The following SIPA1L1 variants were observed in gnomAD, a reference collection of about 807,000 sequenced individuals.
The protein encoded by SIPA1L1 is signal-induced proliferation-associated 1-like protein 1.
Under a neutral mutation model 162.7 loss-of-function variants are expected in SIPA1L1, and 26 were observed. The observed-to-expected ratio is 0.16, with a 90% confidence interval of 0.12 to 0.22. The LOEUF is 0.22. Ranked by LOEUF, SIPA1L1 falls within the 10% of genes least tolerant of loss-of-function variation. The pLI is 1.00. For missense variants in SIPA1L1, 1,874 were observed against 2,241.0 expected, an observed-to-expected ratio of 0.84 and a Z score of 3.31; for synonymous variants, 829 against 837.4, an observed-to-expected ratio of 0.99 and a Z score of 0.17.
intron 13 of SIPA1L1, among the ~76,000 whole-genome samples, chr14:71,688,852 G>A (rs1208926316): frequency 6.6e-6 from 1 of 152,176 alleles, no homozygotes; most frequent in Non-Finnish European, 1.5e-5. Flanking sequence ...CTTTACAGTT[G>A]TTCATTCCAT....
intron 2 of SIPA1L1, among the ~76,000 whole-genome samples, chr14:71,447,523 G>A (rs1157058851): frequency 6.7e-6 from 1 of 150,168 alleles, no homozygotes; most frequent in African/African-American, 2.5e-5. Context: ...ACTTTACTAT[G>A]GTTTACTTAA....
chr14:71,664,736 A>G (rs769083548), intron 10 of SIPA1L1, among the ~76,000 whole-genome samples: 12 of 152,202 alleles, frequency 7.9e-5, no homozygotes, highest in Non-Finnish European at 1.5e-5. Context: ...ATGAACACAC[A>G]TATTTATTTA....
intron 2 of SIPA1L1, among the ~76,000 whole-genome samples, chr14:71,334,862 A>G (rs915450830): frequency 1.3e-5 from 2 of 152,186 alleles, no homozygotes; most frequent in Non-Finnish European, 2.9e-5. Flanking sequence ...AGGATCCACC[A>G]TGTTGAAAGC....
chr14:71,358,349 A>G (rs1430834596), intron 2 of SIPA1L1, among the ~76,000 whole-genome samples: 1 of 152,234 alleles, frequency 6.6e-6, no homozygotes, highest in Non-Finnish European at 1.5e-5. Context: ...GGGGATTTAC[A>G]CACAGCTCTC....
At chr14:71,685,760 C>A (rs573020475) in intron 13 of SIPA1L1, 129 bp downstream of exon 13, 1 of 1,173,908 alleles carries the variant, frequency 8.5e-7, no homozygotes, top group South Asian at 1.6e-5. Context: ...AGGTGCATAC[C>A]GTAGTGACTT....
intron 8 of SIPA1L1, among the ~76,000 whole-genome samples, chr14:71,653,645 T>G (rs1395486606): frequency 1.3e-5 from 2 of 152,192 alleles, no homozygotes; most frequent in East Asian, 3.9e-4. Flanking sequence ...GGCTGCCTGT[T>G]CTCCAATGTC....
chr14:71,606,517 A>C (rs2037523055), intron 5 of SIPA1L1, among the ~76,000 whole-genome samples: 1 of 151,812 alleles, frequency 6.6e-6, no homozygotes, highest in Non-Finnish European at 1.5e-5. Flanking sequence ...GCTGCGTAGG[A>C]CTCAGGAGGG....
chr14:71,544,126 CGTGTATGTATATACATATATGCACGT>C (rs2054862146), intron 4 of SIPA1L1, among the ~76,000 whole-genome samples: 1 of 150,094 alleles, frequency 6.7e-6, no homozygotes, highest in Non-Finnish European at 1.5e-5. Context: ...CATATATGCA[CGTGTATGTATATACATATATGCACGT>C]GTGTGTATAT....
chr14:71,358,616 C>T (rs1036013666), intron 2 of SIPA1L1, among the ~76,000 whole-genome samples: 1 of 152,198 alleles, frequency 6.6e-6, no homozygotes, highest in Admixed American at 6.5e-5. Context: ...ACAGCCTGTC[C>T]TTTTTCTTTG....
At chr14:71,551,305 G>C (rs1300294704) in intron 4 of SIPA1L1, among the ~76,000 whole-genome samples, 3 of 152,140 alleles carry the variant, frequency 2.0e-5, no homozygotes, top group Non-Finnish European at 2.9e-5. Flanking sequence ...TTTTGACACT[G>C]AAGTCTCACA....
chr14:71,474,510 TAAAG>T (rs2047701507), intron 2 of SIPA1L1, among the ~76,000 whole-genome samples: 1 of 152,206 alleles, frequency 6.6e-6, no homozygotes, highest in Non-Finnish European at 1.5e-5. Context: ...GCCAGGGTGA[TAAAG>T]AAGACAAAGC....
intron 2 of SIPA1L1, among the ~76,000 whole-genome samples, chr14:71,372,913 AT>A (rs1818052043): frequency 6.6e-6 from 1 of 152,122 alleles, no homozygotes; most frequent in African/African-American, 2.4e-5. Context: ...GTATATTAAC[AT>A]TTTTCATTTA....
intron 5 of SIPA1L1, among the ~76,000 whole-genome samples, chr14:71,595,610 T>C (rs917643819): frequency 6.6e-5 from 10 of 152,218 alleles, no homozygotes; most frequent in Non-Finnish European, 1.3e-4. Flanking sequence ...TACATTTATA[T>C]CCAAATAAAA....
At chr14:71,608,624 C>T (rs2037811160) in intron 5 of SIPA1L1, among the ~76,000 whole-genome samples, 2 of 152,120 alleles carry the variant, frequency 1.3e-5, no homozygotes, top group Admixed American at 6.6e-5. Flanking sequence ...TGGCCAGGCA[C>T]GGTGGCTCAT....
intron 2 of SIPA1L1, among the ~76,000 whole-genome samples, chr14:71,355,331 T>C (rs777251477): frequency 6.6e-6 from 1 of 152,248 alleles, no homozygotes; most frequent in African/African-American, 2.4e-5. Flanking sequence ...CTTTTAGTAT[T>C]AGATAATAGT....
intron 2 of SIPA1L1, among the ~76,000 whole-genome samples, chr14:71,335,698 A>G (rs1447265819): frequency 6.6e-6 from 1 of 152,334 alleles, no homozygotes; most frequent in African/African-American, 2.4e-5. Context: ...TGTTTTGAGC[A>G]AAAGGACCTC....
At chr14:71,562,074 C>T (rs1424034563) in intron 4 of SIPA1L1, among the ~76,000 whole-genome samples, 1 of 151,848 alleles carries the variant, frequency 6.6e-6, no homozygotes, top group Admixed American at 6.6e-5. Flanking sequence ...TTTTTCTGAA[C>T]AATTTGTGTA....
intron 2 of SIPA1L1, among the ~76,000 whole-genome samples, chr14:71,371,182 T>C (rs757101183): frequency 2.1e-4 from 32 of 152,130 alleles, no homozygotes; most frequent in Non-Finnish European, 4.3e-4. Context: ...CTGAGTATTA[T>C]TAGTGTGAAT....
At chr14:71,335,923 C>T (rs1452188853) in intron 2 of SIPA1L1, among the ~76,000 whole-genome samples, 1 of 152,168 alleles carries the variant, frequency 6.6e-6, no homozygotes, top group Non-Finnish European at 1.5e-5. Flanking sequence ...CAAACCTTGT[C>T]TTTCCTTTTT....
Sources: allele counts gnomAD v4.1 joint callset (sites outside exome capture counted in the v4.1 genomes callset), GRCh38; gene constraint gnomAD v4.1.1; transcripts MANE v1.5; gene names NCBI Gene and HGNC (gene_info 2026-07-23, HGNC 2026-07-21).